ARL5C: variants seen among roughly 807,000 people sequenced by gnomAD.
ARL5C encodes the protein putative ADP-ribosylation factor-like protein 5C.
Under a neutral mutation model 20.8 loss-of-function variants are expected in ARL5C, and 21 were observed. The observed-to-expected ratio is 1.01, with a 90% CI of 0.72 to 1.46. The LOEUF (loss-of-function observed/expected upper bound fraction) is 1.46, where lower values mean the gene tolerates loss of function less well. ARL5C is among the 40% of genes most tolerant of loss of function. The pLI is 0.00. For missense variants in ARL5C, 199 were observed against 225.1 expected (o/e 0.88, Z 0.74); for synonymous variants, 71 against 81.6 (o/e 0.87, Z 0.70).
intron 2 of ARL5C, among the ~76,000 whole-genome samples, chr17:39,163,345 C>CCATT (rs765643720): frequency 2.2e-5 from 3 of 136,740 alleles, no homozygotes; most frequent in African/African-American, 7.9e-5. Context: ...CAGGCTTTTG[C>CCATT]CTTTCTTTCT....
At chr17:39,165,599 G>A in intron 1 of ARL5C, 116 bp downstream of exon 1, 2 of 1,311,416 alleles carry the variant, frequency 1.5e-6, no homozygotes, top group Non-Finnish European at 2.1e-6. Flanking sequence ...GTCGAGGAGC[G>A]CCCATATACG....
intron 5 of ARL5C, 45 bp downstream of exon 5, chr17:39,160,546 T>A (rs891178624): frequency 1.3e-6 from 2 of 1,544,686 alleles, no homozygotes; most frequent in Non-Finnish European, 1.8e-6. Context: ...CAGTCATCCA[T>A]TGGTTCAGCC....
intron 4 of ARL5C, 68 bp downstream of exon 4, chr17:39,161,200 G>A (rs983074966): frequency 8.5e-6 from 12 of 1,418,422 alleles, no homozygotes; most frequent in Admixed American, 2.0e-5. Context: ...TCTCAGAGAA[G>A]CTAAGTGACC....
In ARL5C at chr17:39,156,962, G is replaced by C. The variant is rs1358375655; in HGVS notation, c.492-20C>G. ...GGCAGCCTGCAGGGAGGAAGGAACA[G>C]GAGGGGTCAGCCTAACCCAAGAGAA... On this transcript the variant is annotated intron_variant, in intron 5 of 5. Transcript: ENST00000269586. 2.6e-6 allele frequency: 4 copies of C among 1,551,714 alleles called. No individual in the cohort carries two copies. The African/African-American group carries it at 5.5e-5, about 21-fold the overall frequency.
intron 1 of ARL5C, chr17:39,165,476 C>T (rs2045458279): frequency 5.0e-6 from 3 of 599,954 alleles, no homozygotes; most frequent in Non-Finnish European, 8.8e-6. Flanking sequence ...CCGCCGCTGG[C>T]TCCGTTTAGC....
intron 5 of ARL5C, among the ~76,000 whole-genome samples, chr17:39,159,355 G>T (rs2045423514): frequency 6.8e-6 from 1 of 147,392 alleles, no homozygotes; most frequent in East Asian, 2.0e-4. Flanking sequence ...GGAGTGCAAT[G>T]GTATGATCTT....
intron 2 of ARL5C, chr17:39,164,836 T>G: frequency 2.2e-6 from 1 of 455,000 alleles, no homozygotes; most frequent in Non-Finnish European, 3.9e-6. Context: ...GGAGCTGGGT[T>G]TGGCAGGGCC....
At chr17:39,161,661 G>A (rs930647770) in intron 3 of ARL5C, among the ~76,000 whole-genome samples, 10 of 151,932 alleles carry the variant, frequency 6.6e-5, no homozygotes, top group East Asian at 1.9e-4. Context: ...TTACAGGCGC[G>A]TGCCACCACA....
At position 39,160,575 on chromosome 17, in the gene ARL5C, T is replaced by C. The variant is rs1384151132; in HGVS notation, c.491+16A>G. On this transcript the variant is annotated intron_variant, in intron 5 of 5. Coordinates refer to ENST00000269586, the MANE Select transcript of ARL5C (RefSeq NM_001143968.1). ...TTCAGCCAGGCCCTAGAGATCCAGG[T>C]AGGGCAGCCACTAACCCTTCCCTGG... 6.4e-7 allele frequency: 1 copy of C among 1,551,162 alleles called. No individual in the cohort carries two copies. The highest frequency in any genetic ancestry group is 1.4e-5 in the African/African-American group (1 of 73,012).
chr17:39,163,293 G>A (rs2045443501), intron 2 of ARL5C, among the ~76,000 whole-genome samples: 1 of 151,556 alleles, frequency 6.6e-6, no homozygotes, highest in South Asian at 2.1e-4. Context: ...TGAGAGTTTT[G>A]TCAAAATGCA....
rs1424025706 is a variant in ARL5C at position 39,160,664 on chromosome 17, G to T, written c.418C>A (p.His140Asn). 12 of 1,550,300 alleles carry T rather than the reference G, an allele frequency of 7.7e-6. No homozygotes were observed. In the East Asian group the frequency reaches 2.9e-4, roughly 38 times the overall value. Residue 140 changes from histidine to asparagine, a missense_variant, in exon 5 of 6, where the codon CAT (histidine) becomes AAT (asparagine). Coordinates refer to ENST00000269586, the MANE Select transcript of ARL5C (RefSeq NM_001143968.1). ...TTGATGGTGCTGAGAGTAAGGAAAT[G>T]GGAGATCTCCACCATCCTCATGGAG... ...KDSMRMVEIS[H>N]FLTLSTIKDH...
rs1002054849 is a variant in ARL5C at position 39,165,803 on chromosome 17, T to A, written c.-43A>T. ...ACAGGTGCAGGAGGGCTCAGCGGCC[T>A]CAGGAGCGGAGTCGGCCCTGGTATT... On this transcript the variant is annotated 5_prime_UTR_variant, in exon 1 of 6. Coordinates refer to ENST00000269586, the MANE Select transcript of ARL5C (RefSeq NM_001143968.1). 1.3e-6 allele frequency: 2 copies of A among 1,550,592 alleles called. No homozygotes were observed. Among genetic ancestry groups the A allele is most frequent in the African/African-American group, 2.7e-5 (2 of 73,052 alleles).
Position 39,161,235 on chromosome 17 carries a change from C to G in ARL5C, c.339+33G>C, listed in dbSNP as rs769977931. 2.6e-6 allele frequency: 4 copies of G among 1,540,270 alleles called. No homozygotes were observed. In the East Asian group the frequency reaches 9.8e-5, roughly 38 times the overall value. ...CAGCCTGAGGGCACACAGCTAGTAC[C>G]ACTGGGCCCTCTCCCAACTGCAGGG... On this transcript the variant is annotated intron_variant, in intron 4 of 5. Coordinates refer to ENST00000269586, the MANE Select transcript of ARL5C (RefSeq NM_001143968.1).
At chr17:39,162,191 G>A (rs984110326) in intron 3 of ARL5C, among the ~76,000 whole-genome samples, 4 of 152,176 alleles carry the variant, frequency 2.6e-5, no homozygotes, top group South Asian at 2.1e-4. Context: ...ATTCAAACAC[G>A]TTAACAGGCA....
chr17:39,162,867 G>A lies in ARL5C; in HGVS notation c.108-9C>T, dbSNP rs2045441783. The A allele has an allele frequency of 3.2e-6, 5 of 1,549,322 alleles. No homozygotes were observed. The highest frequency in any genetic ancestry group is 1.4e-5 in the African/African-American group (1 of 72,978). On this transcript the variant is annotated splice_polypyrimidine_tract_variant and intron_variant, in intron 2 of 5. Transcript: ENST00000269586. Reference sequence around the variant, plus strand: ...CCACCTCATTGGTCAAGCTGGGGAGGTAGGAGTGGGCACCAAGAGCTCAGT... The same window carrying A: ...CCACCTCATTGGTCAAGCTGGGGAGATAGGAGTGGGCACCAAGAGCTCAGT...
intron 5 of ARL5C, among the ~76,000 whole-genome samples, chr17:39,157,770 A>C (rs2045412746): frequency 6.7e-6 from 1 of 149,320 alleles, no homozygotes; most frequent in African/African-American, 2.5e-5. Flanking sequence ...AGCCTGGGCA[A>C]CAAGAGTGAA....
Position 39,160,748 on chromosome 17 carries a change from GA to G in ARL5C, c.340-7del. ...ACTGAAGCATCCTGTAGAGCCTGTG[GA>G]CAGAGGAGCCCAGCCCCAGTCAGCC... On this transcript the variant is annotated splice_polypyrimidine_tract_variant and splice_region_variant and intron_variant, in intron 4 of 5. Transcript: ENST00000269586. 2 of 1,550,888 alleles carry G rather than the reference GA, an allele frequency of 1.3e-6. No individual in the cohort carries two copies. The highest frequency in any genetic ancestry group is 8.7e-7 in the Non-Finnish European group (1 of 1,146,912).
At chr17:39,159,641 C>T (rs1400684245) in intron 5 of ARL5C, among the ~76,000 whole-genome samples, 3 of 152,190 alleles carry the variant, frequency 2.0e-5, no homozygotes, top group Admixed American at 2.0e-4. Flanking sequence ...TATCATCTGC[C>T]TCCCCTACCG....
intron 2 of ARL5C, 59 bp downstream of exon 2, chr17:39,165,019 CT>C (rs2045455661): frequency 6.6e-7 from 1 of 1,520,890 alleles, no homozygotes; most frequent in African/African-American, 1.4e-5. Flanking sequence ...ATTGGTCCCC[CT>C]GCCTGTCAGT....
Sources: gnomAD v4.1 joint callset for allele counts (sites outside exome capture counted in the v4.1 genomes callset) on GRCh38, gnomAD v4.1.1 for gene constraint, MANE v1.5 for transcripts, NCBI Gene and HGNC (gene_info 2026-07-23, HGNC 2026-07-21) for gene names.